The following ZNF235 variants were observed in gnomAD, a reference collection of about 807,000 sequenced individuals.
The protein encoded by ZNF235 is zinc finger protein 235.
In ZNF235, 25 loss-of-function variants were observed where a neutral mutation model predicts 29.4. The observed-to-expected ratio is 0.85, with a 90% CI of 0.62 to 1.19. The LOEUF is 1.19. Among genes scored for constraint, ZNF235 ranks in the 50% most tolerant of loss-of-function variants. ZNF235 has a pLI of 0.00. For missense variants in ZNF235, 788 were observed against 885.0 expected (o/e 0.89, Z 1.39); for synonymous variants, 300 against 295.3 (o/e 1.02, Z -0.16).
chr19:44,296,563 T>C (rs1975656952), intron 4 of ZNF235, among the ~76,000 whole-genome samples: 1 of 152,190 alleles, frequency 6.6e-6, no homozygotes, highest in Admixed American at 6.5e-5. Flanking sequence ...GATGATATCT[T>C]AACAAAGGAC....
chr19:44,297,927 T>C (rs372762398), intron 4 of ZNF235, among the ~76,000 whole-genome samples: 1 of 152,098 alleles, frequency 6.6e-6, no homozygotes, highest in Non-Finnish European at 1.5e-5. Context: ...AAGAGCAGCC[T>C]GGGCAACATG....
Position 44,288,324 on chromosome 19 carries a change from C to T in ZNF235, c.1111G>A (p.Gly371Arg), listed in dbSNP as rs751628799. 21 of 1,613,984 alleles carry T rather than the reference C, an allele frequency of 1.3e-5. No individual in the cohort carries two copies. In the South Asian group the frequency reaches 2.1e-4, roughly 16 times the overall value. Reference protein sequence around the residue: ...HLYAHLPIHTGEKPYRCDSCG... With the variant: ...HLYAHLPIHTREKPYRCDSCG... ...CTGTCACATCTATAGGGCTTCTCTC[C>T]TGTGTGAATAGGCAAATGAGCATAA... Residue 371 changes from glycine (G) to arginine (R), a missense_variant, in exon 5 of 5, where the codon GGA becomes AGA. Physicochemically the swap from Gly to Arg is moderately radical, Grantham distance 125. Transcript: ENST00000291182.
chr19:44,302,775 T>C (rs1975755619), intron 2 of ZNF235, among the ~76,000 whole-genome samples: 4 of 145,790 alleles, frequency 2.7e-5, no homozygotes, highest in Admixed American at 7.0e-5. Context: ...TACATATATA[T>C]ATATATATAA....
Position 44,288,146 on chromosome 19 carries a change from G to T in ZNF235, c.1289C>A (p.Pro430Gln). The T allele has an allele frequency of 6.2e-7, 1 of 1,613,984 alleles. No homozygotes were observed. Among genetic ancestry groups the T allele is most frequent in the East Asian group, 2.2e-5 (1 of 44,862 alleles). The change falls in exon 5 of 5, where the codon CCA becomes CAA. Residue 430 changes from proline to glutamine, a missense_variant. Pro to Gln is a moderately conservative substitution (Grantham distance 76, BLOSUM62 -1). Transcript: ENST00000291182. ...AHERIHTGEK[P>Q]YKCGDCGKRF... ...TTTACCACAATCCCCACATTTATAT[G>T]GTTTCTCTCCAGTGTGAATTCTTTC... is the stretch of plus-strand genomic sequence containing the variant.
chr19:44,303,221 C>T (rs1375533825), intron 2 of ZNF235, among the ~76,000 whole-genome samples, 169 bp downstream of exon 2: 5 of 147,606 alleles, frequency 3.4e-5, no homozygotes, highest in African/African-American at 1.2e-4. Context: ...ATATATATCT[C>T]TCTGTTAATT....
chr19:44,303,548 T>C (rs527540086), intron 1 of ZNF235, 96 bp from the exon 2 acceptor site: 2 of 1,139,804 alleles, frequency 1.8e-6, no homozygotes, highest in African/African-American at 1.5e-5. Context: ...CCCCTGTCTC[T>C]AGGCAGACAC....
Position 44,288,069 on chromosome 19 carries a change from CT to C in ZNF235, c.1365del (p.Glu456LysfsTer15). The C allele has an allele frequency of 1.2e-6, 2 of 1,614,072 alleles. No individual in the cohort carries two copies. The highest frequency in any genetic ancestry group is 1.7e-6 in the Non-Finnish European group (2 of 1,180,014). On this transcript the variant is annotated frameshift_variant, in exon 5 of 5. Transcript: ENST00000291182. LOFTEE classifies it high-confidence loss of function. Reference protein sequence around the residue: ...NLHTHQRVHTEEKPYKCDECG... With the variant: ...NLHTHQRVHTXEKPYKCDECG... ...CACTCATCACATTTGTATGGTTTTT[CT>C]TCAGTGTGGACTCTCTGATGGGTAT... is the stretch of plus-strand genomic sequence containing the variant.
Position 44,287,027 on chromosome 19 carries a change from G to T in ZNF235, c.*191C>A. On this transcript the variant is annotated 3_prime_UTR_variant, in exon 5 of 5. Coordinates refer to ENST00000291182, the MANE Select transcript of ZNF235 (RefSeq NM_004234.4). ...TACAGAACAAAGTTTTCTCGCATCT[G>T]TGAAATATGACGTTTGTAAAGAATT... 1.7e-6 allele frequency: 1 copy of T among 572,954 alleles called. No homozygotes were observed. Among genetic ancestry groups the T allele is most frequent in the Non-Finnish European group, 2.9e-6 (1 of 342,198 alleles). 35.5% of individuals were successfully genotyped at this position (572,954 alleles called of 1,614,324 possible). A position where few individuals can be genotyped will look rare whatever the true frequency, so the allele number is the denominator to read the frequency against.
At chr19:44,289,326 T>G (rs1975553337) in intron 4 of ZNF235, 130 bp from the exon 5 acceptor site, 1 of 787,354 alleles carries the variant, frequency 1.3e-6, no homozygotes, top group Non-Finnish European at 1.9e-6. Context: ...TGAAATAAAT[T>G]TATAGGAACT....
At chr19:44,303,008 G>A (rs1325027116) in intron 2 of ZNF235, among the ~76,000 whole-genome samples, 5 of 117,560 alleles carry the variant, frequency 4.3e-5, no homozygotes, top group African/African-American at 1.5e-4. Flanking sequence ...ACATATATAC[G>A]TATATATTTA....
rs191068506 is a variant in ZNF235, at chr19:44,289,120, G to C, written c.315C>G (p.Cys105Trp). Residue 105 changes from cysteine (C) to tryptophan (W), a missense_variant, in exon 5 of 5, where the codon TGC becomes TGG. Transcript: ENST00000291182. ...LRCFSLGELS[C>W]WQIKRHIASK... ...TCGCAATGTGTCTCTTGATTTGCCAGCATGAAAGCTCTCCCAGTGAAAAGC... is the reference window on the plus strand; with the variant it reads ...TCGCAATGTGTCTCTTGATTTGCCACCATGAAAGCTCTCCCAGTGAAAAGC... The C allele has an allele frequency of 6.2e-7, 1 of 1,614,122 alleles. No homozygotes were observed. The highest frequency in any genetic ancestry group is 1.7e-5 in the Admixed American group (1 of 60,008).
chr19:44,299,989 T>C (rs1975712297), intron 2 of ZNF235, among the ~76,000 whole-genome samples: 1 of 152,212 alleles, frequency 6.6e-6, no homozygotes, highest in African/African-American at 2.4e-5. Flanking sequence ...AAATTTTGCA[T>C]TAATTTCTTC....
rs569769643 is a variant in ZNF235 at position 44,288,699 on chromosome 19, G to C, written c.736C>G (p.Leu246Val). ...HSNSDCGKDTLKVSPLTQRSI... is the reference protein window; with the variant it reads ...HSNSDCGKDTVKVSPLTQRSI... ...CGCTGGGTAAGAGGTGATACCTTTA[G>C]GGTATCTTTACCACAATCACTATTG... The change falls in exon 5 of 5, where the codon CTA becomes GTA. Residue 246 changes from leucine to valine, a missense_variant. Coordinates refer to ENST00000291182, the MANE Select transcript of ZNF235 (RefSeq NM_004234.4). 15 of 1,613,956 alleles carry C rather than the reference G, an allele frequency of 9.3e-6. No individual in the cohort carries two copies. The African/African-American group carries it at 1.9e-4, about 20-fold the overall frequency.
At position 44,288,019 on chromosome 19, in the gene ZNF235, A is replaced by G. The variant is rs1975518210; in HGVS notation, c.1416T>C (p.Phe472=). ...GGACTCGTTGATGACTATGAAGATT[A>G]AAGCTCAAACTAAAGCACTTACCAC... ...DECGKCFSLS[F]NLHSHQRVHT... Residue 472 remains phenylalanine, a synonymous_variant, in exon 5 of 5, where the codon TTT becomes TTC. Coordinates refer to ENST00000291182, the MANE Select transcript of ZNF235 (RefSeq NM_004234.4). 1.9e-6 allele frequency: 3 copies of G among 1,612,574 alleles called. No individual in the cohort carries two copies. Among genetic ancestry groups the G allele is most frequent in the East Asian group, 4.5e-5 (2 of 44,686 alleles).
At chr19:44,302,767 CATATATATATATAT>C (rs56300217) in intron 2 of ZNF235, among the ~76,000 whole-genome samples, 1 of 140,792 alleles carries the variant, frequency 7.1e-6, no homozygotes, top group East Asian at 2.0e-4. Flanking sequence ...TTTATATTTA[CATATATATATATAT>C]ATAAAACTAT....
At chr19:44,302,862 TTATA>T (rs1242676152) in intron 2 of ZNF235, among the ~76,000 whole-genome samples, 3 of 70,250 alleles carry the variant, frequency 4.3e-5, no homozygotes, top group East Asian at 8.9e-4. Flanking sequence ...AAATATATAC[TTATA>T]TATATTTGTA....
chr19:44,289,358 G>A (rs760958677), intron 4 of ZNF235, 162 bp from the exon 5 acceptor site: 2 of 624,678 alleles, frequency 3.2e-6, no homozygotes, highest in Non-Finnish European at 2.6e-6. Flanking sequence ...CTGCAACCAA[G>A]AGAACACCAA....
rs200710204 is a variant in ZNF235 at position 44,299,612 on chromosome 19, A to T, written c.136T>A (p.Ser46Thr). The T allele has an allele frequency of 1.2e-6, 2 of 1,614,022 alleles. No individual in the cohort carries two copies. The highest frequency in any genetic ancestry group is 1.7e-6 in the Non-Finnish European group (2 of 1,179,962). ...VMLENFRNLV[S>T]VGHQSFKPDM... ...AGAGGGTGCCTGTCCTTACCCACTGAAACCAGGTTCCTAAAGTTCTCCAGC... is the reference window on the plus strand; with the variant it reads ...AGAGGGTGCCTGTCCTTACCCACTGTAACCAGGTTCCTAAAGTTCTCCAGC... The change falls in exon 3 of 5, where the codon TCA becomes ACA. Residue 46 changes from serine to threonine, a missense_variant. Transcript: ENST00000291182.
chr19:44,287,946 TA>T lies in ZNF235; in HGVS notation c.1488del (p.Phe496LeufsTer61). On this transcript the variant is annotated frameshift_variant, in exon 5 of 5. Coordinates refer to ENST00000291182, the MANE Select transcript of ZNF235 (RefSeq NM_004234.4). LOFTEE classifies it high-confidence loss of function. ...TGGCTCTGGAAACTTGAGGCTGAAC[TA>T]AAACCCTTACCACACTCTTCACATT... ...PYKCEECGKG[F>X]SSASSFQSHQ... 2 of 1,614,160 alleles carry T rather than the reference TA, an allele frequency of 1.2e-6. No individual in the cohort carries two copies. The highest frequency in any genetic ancestry group is 1.7e-6 in the Non-Finnish European group (2 of 1,180,020).
Sources: gnomAD v4.1 joint callset for allele counts (sites outside exome capture counted in the v4.1 genomes callset) on GRCh38, gnomAD v4.1.1 for gene constraint, MANE v1.5 for transcripts, NCBI Gene and HGNC (gene_info 2026-07-23, HGNC 2026-07-21) for gene names.